The following XPA variants were observed in gnomAD, a reference collection of about 807,000 sequenced individuals.
The protein encoded by XPA is XPA, DNA damage recognition and repair factor, also known as DNA repair protein complementing XP-A cells.
A neutral mutation model predicts 35.7 loss-of-function variants in XPA; 27 were observed. The ratio of observed to expected loss-of-function variants is 0.76; its 90% confidence interval spans 0.56 to 1.04. The LOEUF is 1.04. Ranked by LOEUF, XPA falls within the 50% of genes least tolerant of loss-of-function variation. The probability of loss-of-function intolerance (pLI) is 0.00; values close to 1 mark genes in which losing one functional copy is unlikely to be tolerated. For synonymous variants in XPA, 133 were observed against 118.4 expected, an observed-to-expected ratio of 1.12 and a Z score of -0.80; for missense variants, 354 against 342.7, an observed-to-expected ratio of 1.03 and a Z score of -0.26.
intron 2 of XPA, among the ~76,000 whole-genome samples, chr9:97,691,499 C>T (rs975641381): frequency 1.4e-4 from 21 of 152,134 alleles, no homozygotes; most frequent in African/African-American, 4.3e-4. Context: ...TCCAGGAGTT[C>T]GACACCAGCC....
the XPA span, chr9:97,654,797 G>T: frequency 8.3e-7 from 1 of 1,197,744 alleles, no homozygotes; most frequent in Non-Finnish European, 1.2e-6. Context: ...ATAAAGACTT[G>T]AAATGTTTTA....
chr9:97,663,172 A>G, the XPA span: 1 of 708,414 alleles, frequency 1.4e-6, no homozygotes. Context: ...TGGTTTTTAG[A>G]TCTAATTCTT....
At chr9:97,692,206 G>A (rs1456750295) in intron 2 of XPA, among the ~76,000 whole-genome samples, 2 of 151,730 alleles carry the variant, frequency 1.3e-5, no homozygotes, top group East Asian at 3.9e-4. Flanking sequence ...CAGGAGAATC[G>A]CTTGAACCCA....
intron 5 of XPA, among the ~76,000 whole-genome samples, chr9:97,678,458 C>T (rs967701414): frequency 1.3e-5 from 2 of 152,028 alleles, no homozygotes; most frequent in African/African-American, 2.4e-5. Flanking sequence ...GATACAAAAG[C>T]TAGTCACTAG....
chr9:97,666,344 T>C, the XPA span, among the ~76,000 whole-genome samples: 3 of 152,214 alleles, frequency 2.0e-5, no homozygotes, highest in Admixed American at 6.5e-5. Flanking sequence ...GCTAGTTAAA[T>C]AATATAAAGC....
chr9:97,668,184 C>T, the XPA span, among the ~76,000 whole-genome samples: 2 of 152,244 alleles, frequency 1.3e-5, no homozygotes, highest in Admixed American at 6.5e-5. Flanking sequence ...CGTTCTGGCT[C>T]TGCCACTTTC....
chr9:97,660,726 G>A, the XPA span, among the ~76,000 whole-genome samples: 1 of 152,156 alleles, frequency 6.6e-6, no homozygotes. Flanking sequence ...ATGAATTGTT[G>A]AAATGAGAAT....
downstream of XPA, among the ~76,000 whole-genome samples, chr9:97,674,298 AT>A (rs775797009): frequency 4.0e-5 from 6 of 150,374 alleles, no homozygotes; most frequent in Middle Eastern, 6.8e-3. Context: ...CGTATTAGTC[AT>A]TGAGTGTGAA....
the XPA span, among the ~76,000 whole-genome samples, chr9:97,666,323 G>C: frequency 2.0e-5 from 3 of 152,154 alleles, no homozygotes; most frequent in African/African-American, 7.2e-5. Flanking sequence ...AGAATAATTG[G>C]CTGAGTGTGT....
At chr9:97,656,656 A>G in the XPA span, among the ~76,000 whole-genome samples, 1 of 152,218 alleles carries the variant, frequency 6.6e-6, no homozygotes, top group Non-Finnish European at 1.5e-5. Flanking sequence ...CCTAGATTCC[A>G]TAGCTATTAA....
chr9:97,665,275 C>T, the XPA span, among the ~76,000 whole-genome samples: 7 of 152,344 alleles, frequency 4.6e-5, no homozygotes, highest in East Asian at 1.3e-3. Flanking sequence ...GATTTGTAAA[C>T]TCTCAGAAAA....
At position 97,691,394 on chromosome 9, in the gene XPA, C is replaced by G. The variant is rs190829821; in HGVS notation, c.284-1755G>C. 2.0e-5 allele frequency among the ~76,000 whole-genome samples: 3 copies of G among 152,252 alleles called. No individual in the cohort carries two copies. In the East Asian group the frequency reaches 5.8e-4, roughly 29 times the overall value. ...TTAATCCTGTAAGAACTGTTTCTCCCAGCAAGTCTTTAAATTTTACTAGTA... is the reference window on the plus strand; with the variant it reads ...TTAATCCTGTAAGAACTGTTTCTCCGAGCAAGTCTTTAAATTTTACTAGTA... On this transcript the variant is annotated intron_variant, in intron 2 of 5. Transcript: ENST00000375128.
downstream of XPA, among the ~76,000 whole-genome samples, chr9:97,670,270 A>G (rs1262243015): frequency 6.6e-6 from 1 of 152,200 alleles, no homozygotes; most frequent in East Asian, 1.9e-4. Flanking sequence ...TAAAATGTAG[A>G]GGACAAAAAT....
intron 5 of XPA, among the ~76,000 whole-genome samples, chr9:97,679,524 A>G (rs1402635200): frequency 6.6e-6 from 1 of 151,990 alleles, no homozygotes; most frequent in Non-Finnish European, 1.5e-5. Context: ...ACTTCAGAAT[A>G]AGAAACAATC....
At chr9:97,688,670 T>C (rs902849626) in intron 3 of XPA, among the ~76,000 whole-genome samples, 2 of 152,222 alleles carry the variant, frequency 1.3e-5, no homozygotes, top group East Asian at 1.9e-4. Flanking sequence ...TTGTAATCTA[T>C]AGTTCCAGCT....
chr9:97,691,819 G>A (rs1233711155), intron 2 of XPA, among the ~76,000 whole-genome samples: 1 of 150,930 alleles, frequency 6.6e-6, no homozygotes, highest in Non-Finnish European at 1.5e-5. Context: ...GGAGGTGGAG[G>A]TTGCAGTAAG....
chr9:97,682,789 AAAAG>A (rs1475813305), intron 5 of XPA, among the ~76,000 whole-genome samples: 2 of 152,210 alleles, frequency 1.3e-5, no homozygotes, highest in African/African-American at 4.8e-5. Flanking sequence ...TAATGAGAAA[AAAAG>A]CTAATTATAT....
the XPA span, chr9:97,660,903 A>G: frequency 6.4e-7 from 1 of 1,569,664 alleles, no homozygotes; most frequent in Non-Finnish European, 8.6e-7. Context: ...AATAGTCTTG[A>G]AACCTGATCT....
chr9:97,695,580 C>G (rs561493782), intron 1 of XPA, among the ~76,000 whole-genome samples: 1 of 152,292 alleles, frequency 6.6e-6, no homozygotes, highest in East Asian at 1.9e-4. Context: ...TGAGCAGGAT[C>G]CTAAACAATG....
Sources: gnomAD v4.1 joint callset for allele counts (sites outside exome capture counted in the v4.1 genomes callset) on GRCh38, gnomAD v4.1.1 for gene constraint, MANE v1.5 for transcripts, NCBI Gene and HGNC (gene_info 2026-07-23, HGNC 2026-07-21) for gene names.